The following PCDH11X variants were observed in gnomAD, a reference collection of about 807,000 sequenced individuals.
PCDH11X encodes protocadherin 11 X-linked.
A neutral mutation model predicts 53.3 loss-of-function variants in PCDH11X; 18 were observed. That is an observed-to-expected ratio of 0.34 (90% CI 0.23 to 0.50). PCDH11X has a LOEUF of 0.50. Among genes scored for constraint, PCDH11X ranks in the 20% least tolerant of loss-of-function variants. The pLI is 0.98. For synonymous variants in PCDH11X, 279 were observed against 393.3 expected, an observed-to-expected ratio of 0.71 and a Z score of 3.44; for missense variants, 570 against 1,032.4, an observed-to-expected ratio of 0.55 and a Z score of 6.14.
At chrX:92,278,858 C>G (rs1320148963) in intron 8 of PCDH11X, among the ~76,000 whole-genome samples, 1 of 87,554 alleles carries the variant, frequency 1.1e-5, no homozygotes, top group Non-Finnish European at 2.1e-5. Flanking sequence ...GTTGTTCAGG[C>G]TGGAGTGCAA....
At chrX:92,223,615 G>A (rs1389190454) in intron 7 of PCDH11X, among the ~76,000 whole-genome samples, 1 of 111,965 alleles carries the variant, frequency 8.9e-6, no homozygotes, top group African/African-American at 3.2e-5. Flanking sequence ...CTTGGGCTTT[G>A]AGGTCAGATA....
At chrX:91,829,733 A>T (rs947356459) in intron 4 of PCDH11X, among the ~76,000 whole-genome samples, 5 of 111,424 alleles carry the variant, frequency 4.5e-5, no homozygotes, top group Non-Finnish European at 9.4e-5. Context: ...ATTAATGCCT[A>T]TTTGATAAAA....
At chrX:92,209,204 G>A (rs1183032510) in intron 7 of PCDH11X, among the ~76,000 whole-genome samples, 2 of 111,379 alleles carry the variant, frequency 1.8e-5, no homozygotes, top group East Asian at 5.7e-4. Flanking sequence ...TTCCCAGCAG[G>A]CCCCTAAAGT....
rs753881311 is a variant in PCDH11X at position 91,996,140 on chromosome X, C to CTTTT, written c.3033+116887_3033+116890dup. Among the ~76,000 whole-genome samples, 46 of 66,602 alleles carry CTTTT rather than the reference C, an allele frequency of 6.9e-4. 1 individual carries two copies. Among genetic ancestry groups the CTTTT allele is most frequent in the African/African-American group, 2.7e-3 (44 of 16,531 alleles). 57.8% of individuals were successfully genotyped at this position (66,602 alleles called of 115,157 possible). ...ACAGGCATGAGCCACCACGCCTGGCCTTTTTTTTTTTTTTTTTTTTTTTGA... is the reference window on the plus strand; with the variant it reads ...ACAGGCATGAGCCACCACGCCTGGCCTTTTTTTTTTTTTTTTTTTTTTTTTTTGA... On this transcript the variant is annotated intron_variant, in intron 6 of 10. Coordinates refer to ENST00000682573, the MANE Select transcript of PCDH11X (RefSeq NM_032968.5).
In PCDH11X at chrX:92,619,143, A is replaced by G; in HGVS notation, c.*203A>G. The G allele has an allele frequency of 2.1e-6, 1 of 465,527 alleles. No homozygotes were observed. Among genetic ancestry groups the G allele is most frequent in the Non-Finnish European group, 3.6e-6 (1 of 275,251 alleles). 38.4% of individuals were successfully genotyped at this position (465,527 alleles called of 1,213,427 possible). On this transcript the variant is annotated 3_prime_UTR_variant, in exon 11 of 11. Coordinates refer to ENST00000682573, the MANE Select transcript of PCDH11X (RefSeq NM_032968.5). ...TTTAATTCAGAATGTGTATTTAAAA[A>G]GAAAAGGAATTTAACAATTTGCATC...
intron 6 of PCDH11X, among the ~76,000 whole-genome samples, chrX:92,175,677 T>G (rs1271409776): frequency 9.4e-6 from 1 of 106,794 alleles, no homozygotes; most frequent in Non-Finnish European, 1.9e-5. Flanking sequence ...ATGCATTCCT[T>G]AGACAAAAAT....
chrX:92,185,610 C>T (rs1157869642), intron 6 of PCDH11X, among the ~76,000 whole-genome samples: 1 of 110,930 alleles, frequency 9.0e-6, no homozygotes, highest in Non-Finnish European at 1.9e-5. Context: ...AAAGTATTCG[C>T]CAACAAGAGA....
intron 7 of PCDH11X, among the ~76,000 whole-genome samples, chrX:92,229,711 A>G (rs966304769): frequency 1.8e-5 from 2 of 111,696 alleles, no homozygotes; most frequent in African/African-American, 6.5e-5. Context: ...CAGGCCATTG[A>G]CAAGTCTAAA....
Position 92,001,464 on chromosome X carries a change from T to C in PCDH11X, c.3033+122191T>C, listed in dbSNP as rs76760787. Among the ~76,000 whole-genome samples the C allele has an allele frequency of 5.2e-3, 431 of 83,434 alleles. 1 individual carries two copies. The highest frequency in any genetic ancestry group is 6.9e-3 in the Non-Finnish European group (308 of 44,465). 72.5% of individuals were successfully genotyped at this position (83,434 alleles called of 115,157 possible). A position where few individuals can be genotyped will look rare whatever the true frequency, so the allele number is the denominator to read the frequency against. ...CTACAGAGTTATTTGAGCTCTTTTTTTTTCTTTCTTTTTTTTTTTTTGAGA... is the reference window on the plus strand; with the variant it reads ...CTACAGAGTTATTTGAGCTCTTTTTCTTTCTTTCTTTTTTTTTTTTTGAGA... On this transcript the variant is annotated intron_variant, in intron 6 of 10. Transcript: ENST00000682573.
chrX:92,119,375 G>A (rs1419108076), intron 6 of PCDH11X, among the ~76,000 whole-genome samples: 1 of 111,581 alleles, frequency 9.0e-6, no homozygotes, highest in Non-Finnish European at 1.9e-5. Context: ...CCAAAGTGCT[G>A]GGATTGCAGG....
intron 6 of PCDH11X, among the ~76,000 whole-genome samples, chrX:91,933,758 A>G (rs1355784296): frequency 9.0e-6 from 1 of 111,481 alleles, no homozygotes; most frequent in African/African-American, 3.3e-5. Context: ...CTATTGCTAA[A>G]TGGGAAAGTT....
chrX:91,971,052 T>C lies in PCDH11X; in HGVS notation c.3033+91779T>C, dbSNP rs1228530340. Among the ~76,000 whole-genome samples, 14 of 111,725 alleles carry C rather than the reference T, an allele frequency of 1.3e-4. No homozygotes were observed. In the Admixed American group the frequency reaches 1.3e-3, roughly 11 times the overall value. On this transcript the variant is annotated intron_variant, in intron 6 of 10. Coordinates refer to ENST00000682573, the MANE Select transcript of PCDH11X (RefSeq NM_032968.5). ...AGGAAAATAGCTAAGGAAAAATGCA[T>C]AATTACCTGCTCTTTACTTATTTTC...
rs1225801116 is a variant in PCDH11X, at chrX:92,490,760, G to GAGAA, written c.3367+22449_3367+22452dup. On this transcript the variant is annotated intron_variant, in intron 10 of 10. Coordinates refer to ENST00000682573, the MANE Select transcript of PCDH11X (RefSeq NM_032968.5). ...AGAGAGAAAGAGAGAAAGAAAGAAAGAGAAAGAAAGAAAGGAAAGAAAGAA... is the reference window on the plus strand; with the variant it reads ...AGAGAGAAAGAGAGAAAGAAAGAAAGAGAAAGAAAGAAAGAAAGGAAAGAAAGAA... Among the ~76,000 whole-genome samples, 14 of 98,090 alleles carry GAGAA rather than the reference G, an allele frequency of 1.4e-4. No individual in the cohort carries two copies. In the East Asian group the frequency reaches 1.6e-3, roughly 11 times the overall value. The allele number at this position is 98,090 out of a possible 115,157, so 85.2% of individuals were successfully genotyped here. A position where few individuals can be genotyped will look rare whatever the true frequency, so the allele number is the denominator to read the frequency against.
intron 6 of PCDH11X, among the ~76,000 whole-genome samples, chrX:92,121,523 T>C (rs1436219752): frequency 9.0e-6 from 1 of 111,347 alleles, no homozygotes; most frequent in Non-Finnish European, 1.9e-5. Flanking sequence ...TAGGTATTTG[T>C]AAACATATTA....
At chrX:92,043,345 TG>T (rs778440034) in intron 6 of PCDH11X, among the ~76,000 whole-genome samples, 3 of 110,180 alleles carry the variant, frequency 2.7e-5, no homozygotes, top group Non-Finnish European at 5.6e-5. Flanking sequence ...TGTGGAGGAT[TG>T]GGCTATAAAA....
intron 5 of PCDH11X, among the ~76,000 whole-genome samples, chrX:91,850,639 G>C (rs1209602781): frequency 1.8e-5 from 2 of 111,617 alleles, no homozygotes; most frequent in Non-Finnish European, 3.8e-5. Context: ...ACTCAATTTT[G>C]AGAACATTGT....
intron 8 of PCDH11X, among the ~76,000 whole-genome samples, chrX:92,334,564 A>G (rs1654221606): frequency 9.0e-6 from 1 of 111,320 alleles, no homozygotes; most frequent in South Asian, 3.8e-4. Flanking sequence ...CAATAACACC[A>G]TGGGAGCCAT....
intron 8 of PCDH11X, among the ~76,000 whole-genome samples, chrX:92,333,313 A>T (rs771791257): frequency 7.2e-5 from 8 of 111,056 alleles, no homozygotes; most frequent in African/African-American, 2.6e-4. Flanking sequence ...GCATGAGAAG[A>T]TATTTTGTTT....
chrX:91,909,780 G>T lies in PCDH11X; in HGVS notation c.3033+30507G>T, dbSNP rs1022835527. Among the ~76,000 whole-genome samples, 14 of 110,229 alleles carry T rather than the reference G, an allele frequency of 1.3e-4. 1 individual carries two copies. Among genetic ancestry groups the T allele is most frequent in the Admixed American group, 1.2e-3 (12 of 10,266 alleles). ...TATTGAGTTGTCTGATTTTTTTCTC[G>T]GATTTATTGAGGTATAATGCGCAAA... On this transcript the variant is annotated intron_variant, in intron 6 of 10. Coordinates refer to ENST00000682573, the MANE Select transcript of PCDH11X (RefSeq NM_032968.5).
Sources: allele counts gnomAD v4.1 joint callset (sites outside exome capture counted in the v4.1 genomes callset), GRCh38; gene constraint gnomAD v4.1.1; transcripts MANE v1.5; gene names NCBI Gene and HGNC (gene_info 2026-07-23, HGNC 2026-07-21).